ADAMTSL1: variants seen among roughly 807,000 people sequenced by gnomAD.
ADAMTSL1 encodes ADAMTS-like protein 1.
In ADAMTSL1, 126 loss-of-function variants were observed where a neutral mutation model predicts 201.8. That is an observed-to-expected ratio of 0.62 (90% CI 0.54 to 0.72). The LOEUF is 0.72. Among genes scored for constraint, ADAMTSL1 ranks in the 30% least tolerant of loss-of-function variants. The probability of loss-of-function intolerance (pLI) is 0.00; values close to 1 mark genes in which losing one functional copy is unlikely to be tolerated. For missense variants in ADAMTSL1, 2,679 were observed against 2,277.8 expected, an observed-to-expected ratio of 1.18 and a Z score of -3.59; for synonymous variants, 1,121 against 903.4, an observed-to-expected ratio of 1.24 and a Z score of -4.32.
intron 2 of ADAMTSL1, among the ~76,000 whole-genome samples, chr9:18,369,906 A>G (rs1163990241): frequency 6.6e-6 from 1 of 152,220 alleles, no homozygotes; most frequent in African/African-American, 2.4e-5. Flanking sequence ...TAACTCAAAT[A>G]CAGAAAATCA....
chr9:18,345,457 G>A (rs1324308618), intron 2 of ADAMTSL1, among the ~76,000 whole-genome samples: 1 of 152,100 alleles, frequency 6.6e-6, no homozygotes, highest in African/African-American at 2.4e-5. Flanking sequence ...AACTCTTCGA[G>A]AATGATGTTA....
At chr9:18,561,422 T>A (rs1355925627) in intron 3 of ADAMTSL1, among the ~76,000 whole-genome samples, 1 of 152,178 alleles carries the variant, frequency 6.6e-6, no homozygotes, top group African/African-American at 2.4e-5. Context: ...TTCTTTTGCA[T>A]TTGCTGAGGA....
intron 1 of ADAMTSL1, among the ~76,000 whole-genome samples, chr9:18,069,567 C>A (rs773997193): frequency 2.0e-5 from 3 of 152,100 alleles, no homozygotes; most frequent in African/African-American, 7.2e-5. Context: ...ATTTCAAAGC[C>A]CACTTATGGG....
At chr9:18,853,637 T>G (rs1032731147) in intron 23 of ADAMTSL1, among the ~76,000 whole-genome samples, 1 of 152,238 alleles carries the variant, frequency 6.6e-6, no homozygotes, top group African/African-American at 2.4e-5. Context: ...GAAGGGCTAT[T>G]ATCATTTAAA....
At chr9:17,927,845 C>T (rs1345737974) in intron 1 of ADAMTSL1, among the ~76,000 whole-genome samples, 5 of 152,074 alleles carry the variant, frequency 3.3e-5, no homozygotes, top group Non-Finnish European at 5.9e-5. Flanking sequence ...CTAAGAACAG[C>T]TGTATATATA....
chr9:18,731,354 G>A (rs1017152118), intron 15 of ADAMTSL1, among the ~76,000 whole-genome samples: 3 of 152,176 alleles, frequency 2.0e-5, no homozygotes, highest in African/African-American at 7.2e-5. Flanking sequence ...AGAGGCACTG[G>A]GTGTAGTGGC....
chr9:18,830,122 C>G (rs1322513743), intron 23 of ADAMTSL1, 145 bp downstream of exon 23: 9 of 1,155,866 alleles, frequency 7.8e-6, no homozygotes, highest in Non-Finnish European at 1.1e-5. Context: ...TCCAGACTCA[C>G]CAGTGGAAAC....
chr9:18,608,555 A>G (rs1825173711), intron 4 of ADAMTSL1, among the ~76,000 whole-genome samples: 1 of 152,184 alleles, frequency 6.6e-6, no homozygotes, highest in Non-Finnish European at 1.5e-5. Flanking sequence ...TCTAAAATGA[A>G]AGGAGAAACA....
chr9:18,076,373 G>C (rs529422202), intron 1 of ADAMTSL1, among the ~76,000 whole-genome samples: 5 of 152,330 alleles, frequency 3.3e-5, no homozygotes, highest in Non-Finnish European at 7.3e-5. Context: ...AAATACCACT[G>C]ATACAGTTCT....
At chr9:18,482,396 T>C (rs1821773355) in intron 1 of ADAMTSL1, among the ~76,000 whole-genome samples, 1 of 152,250 alleles carries the variant, frequency 6.6e-6, no homozygotes, top group African/African-American at 2.4e-5. Context: ...TTCATCTTCA[T>C]TGCTTTTTCA....
chr9:18,246,860 G>T (rs895759236), intron 2 of ADAMTSL1, among the ~76,000 whole-genome samples: 23 of 152,072 alleles, frequency 1.5e-4, no homozygotes, highest in Non-Finnish European at 2.9e-4. Flanking sequence ...ATTTCAGTAG[G>T]CCCAATGTAA....
At chr9:18,295,281 G>A (rs1833432541) in intron 2 of ADAMTSL1, among the ~76,000 whole-genome samples, 1 of 151,780 alleles carries the variant, frequency 6.6e-6, no homozygotes, top group Admixed American at 6.6e-5. Context: ...CATAAGGAGA[G>A]GGCAAAATGG....
intron 2 of ADAMTSL1, among the ~76,000 whole-genome samples, chr9:18,523,130 A>G (rs1237660665): frequency 6.6e-6 from 1 of 152,098 alleles, no homozygotes; most frequent in East Asian, 1.9e-4. Flanking sequence ...AATGATCCCC[A>G]TTCTAACTGG....
intron 2 of ADAMTSL1, among the ~76,000 whole-genome samples, chr9:18,312,155 T>C (rs1192229691): frequency 6.6e-6 from 1 of 152,136 alleles, no homozygotes; most frequent in Non-Finnish European, 1.5e-5. Context: ...ATAGCTGCCA[T>C]TTGAAGGGTC....
chr9:18,868,710 G>A (rs1311703339), intron 23 of ADAMTSL1, among the ~76,000 whole-genome samples: 1 of 152,142 alleles, frequency 6.6e-6, no homozygotes, highest in Non-Finnish European at 1.5e-5. Flanking sequence ...TCTTCAGTTG[G>A]GCAAAATCTC....
At chr9:18,212,783 T>C (rs1829924895) in intron 2 of ADAMTSL1, among the ~76,000 whole-genome samples, 2 of 152,188 alleles carry the variant, frequency 1.3e-5, no homozygotes, top group Non-Finnish European at 1.5e-5. Flanking sequence ...TTTGCCTTTT[T>C]GGTGTGGACG....
rs145969259 is a variant in ADAMTSL1, at chr9:17,939,221, C to T, written c.87+32299C>T. Among the ~76,000 whole-genome samples the T allele has an allele frequency of 3.3e-5, 5 of 152,088 alleles. 1 individual carries two copies. The highest frequency in any genetic ancestry group is 1.2e-4 in the African/African-American group (5 of 41,498). Reference sequence around the variant, plus strand: ...TCTTGTTTCTTACTTGGTCCCTTACCTTTCTCTTGTAAACTATTTCTTTTA... The same window carrying T: ...TCTTGTTTCTTACTTGGTCCCTTACTTTTCTCTTGTAAACTATTTCTTTTA... On this transcript the variant is annotated intron_variant, in intron 1 of 29. Coordinates refer to the ADAMTSL1 transcript ENST00000680146.
chr9:18,574,320 T>G (rs761964907), intron 4 of ADAMTSL1, 54 bp downstream of exon 4: 3 of 1,460,090 alleles, frequency 2.1e-6, no homozygotes, highest in East Asian at 4.5e-5. Context: ...AATGTCTTTG[T>G]GTAAATGGTT....
At chr9:18,708,631 A>G (rs970290557) in intron 14 of ADAMTSL1, among the ~76,000 whole-genome samples, 1 of 152,242 alleles carries the variant, frequency 6.6e-6, no homozygotes, top group Non-Finnish European at 1.5e-5. Flanking sequence ...TCTTTCCAAC[A>G]TAGCAGATGA....
Sources: allele counts gnomAD v4.1 joint callset (sites outside exome capture counted in the v4.1 genomes callset), GRCh38; gene constraint gnomAD v4.1.1; transcripts MANE v1.5; gene names NCBI Gene and HGNC (gene_info 2026-07-23, HGNC 2026-07-21).